MCOLN2: variants seen among roughly 807,000 people sequenced by gnomAD.
The protein encoded by MCOLN2 is mucolipin-2.
Under a neutral mutation model 67.5 loss-of-function variants are expected in MCOLN2, and 57 were observed. The ratio of observed to expected loss-of-function variants is 0.84; its 90% CI spans 0.68 to 1.05. The LOEUF (loss-of-function observed/expected upper bound fraction) is 1.05, where lower values mean the gene tolerates loss of function less well. MCOLN2 is among the 50% of genes least tolerant of loss of function. The pLI, the probability that MCOLN2 is intolerant of heterozygous loss-of-function variation, is 0.00. For missense variants in MCOLN2, 620 were observed against 678.8 expected (o/e 0.91, Z 0.96); for synonymous variants, 246 against 233.3 (o/e 1.05, Z -0.50).
intron 11 of MCOLN2, among the ~76,000 whole-genome samples, chr1:84,933,834 C>T (rs1351310937): frequency 6.6e-6 from 1 of 152,214 alleles, no homozygotes; most frequent in Non-Finnish European, 1.5e-5. Context: ...TCTGTCTCAA[C>T]ATTAACATTA....
At chr1:84,952,183 A>G in intron 6 of MCOLN2, 60 bp downstream of exon 6, 1 of 1,173,454 alleles carries the variant, frequency 8.5e-7, no homozygotes, top group Non-Finnish European at 1.2e-6. Context: ...TATACTCTGC[A>G]TCAACAAAAA....
At position 84,977,849 on chromosome 1, in the gene MCOLN2, C is replaced by T. The variant is rs141101808; in HGVS notation, c.78-12141G>A. On this transcript the variant is annotated intron_variant, in intron 1 of 13. Transcript: ENST00000370608. The stretch of plus-strand genomic sequence containing the variant: ...ATAGATCTTCCATACAGAAAATCAA[C>T]AAAGAAATACTGGACTTAATCTGCA... Among the ~76,000 whole-genome samples the T allele has an allele frequency of 2.8e-3, 431 of 152,072 alleles. 6 individuals are homozygous for T. In the East Asian group the frequency reaches 0.06, roughly 21 times the overall value.
chr1:84,955,132 T>C (rs1648715568), intron 4 of MCOLN2, among the ~76,000 whole-genome samples: 1 of 152,176 alleles, frequency 6.6e-6, no homozygotes, highest in African/African-American at 2.4e-5. Flanking sequence ...TTTTCTCACT[T>C]TGCTCTGCAC....
chr1:84,969,964 G>A (rs1005868016), intron 1 of MCOLN2, among the ~76,000 whole-genome samples: 3 of 152,154 alleles, frequency 2.0e-5, no homozygotes, highest in African/African-American at 4.8e-5. Context: ...GTGACTGGGC[G>A]CATTGAGGGA....
intron 11 of MCOLN2, among the ~76,000 whole-genome samples, chr1:84,934,586 G>A (rs1647320838): frequency 6.6e-6 from 1 of 152,172 alleles, no homozygotes; most frequent in South Asian, 2.1e-4. Context: ...AGAGTCTGCT[G>A]AACTTTGACC....
rs200287414 is a variant in MCOLN2 at position 84,929,567 on chromosome 1, C to G, written c.1655G>C (p.Cys552Ser). 2.4e-5 allele frequency: 38 copies of G among 1,613,116 alleles called. No individual in the cohort carries two copies. In the East Asian group the frequency reaches 8.5e-4, roughly 36 times the overall value. ...ESSAFLSCICCRRRKRSDDHL... is the reference protein window; with the variant it reads ...ESSAFLSCICSRRRKRSDDHL... ...TAAACATGATACTGACCTCCTCCGA[C>G]AGCAGATGCAGGACAGGAAGGCTGA... The change falls in exon 13 of 14, where the codon TGT (cysteine) becomes TCT (serine). Residue 552 changes from cysteine to serine, a missense_variant. By Grantham distance (112) the Cys-to-Ser change is moderately radical. Coordinates refer to ENST00000370608, the MANE Select transcript of MCOLN2 (RefSeq NM_153259.4).
chr1:84,928,957 G>A (rs923618301), intron 13 of MCOLN2, among the ~76,000 whole-genome samples: 1 of 151,898 alleles, frequency 6.6e-6, no homozygotes, highest in Non-Finnish European at 1.5e-5. Context: ...GCAAACATAG[G>A]CACATTAAAA....
At chr1:84,947,638 T>C (rs1471808022) in intron 6 of MCOLN2, among the ~76,000 whole-genome samples, 1 of 152,172 alleles carries the variant, frequency 6.6e-6, no homozygotes, top group African/African-American at 2.4e-5. Flanking sequence ...TGAATCCAGT[T>C]TGGAGAGGTG....
intron 1 of MCOLN2, among the ~76,000 whole-genome samples, chr1:84,966,073 T>G (rs1000186344): frequency 2.0e-5 from 3 of 151,880 alleles, no homozygotes; most frequent in Non-Finnish European, 4.4e-5. Context: ...ACCAACATGG[T>G]GAAACCCCAT....
At chr1:84,934,710 G>A (rs1456259363) in intron 11 of MCOLN2, among the ~76,000 whole-genome samples, 4 of 152,208 alleles carry the variant, frequency 2.6e-5, no homozygotes, top group African/African-American at 7.2e-5. Context: ...CTCTGGAAAT[G>A]TAAAAGCCGC....
intron 1 of MCOLN2, among the ~76,000 whole-genome samples, chr1:84,976,952 A>C (rs973075964): frequency 6.6e-6 from 1 of 152,196 alleles, no homozygotes; most frequent in Non-Finnish European, 1.5e-5. Flanking sequence ...AAAATATTAT[A>C]ACCCTGTAAC....
At chr1:84,940,127 T>C (rs1295531988) in intron 8 of MCOLN2, among the ~76,000 whole-genome samples, 1 of 151,288 alleles carries the variant, frequency 6.6e-6, no homozygotes, top group Non-Finnish European at 1.5e-5. Context: ...GCTCCAAATA[T>C]GAGCCCCCTC....
At chr1:84,934,731 T>C (rs1647328919) in intron 11 of MCOLN2, among the ~76,000 whole-genome samples, 1 of 152,208 alleles carries the variant, frequency 6.6e-6, no homozygotes, top group African/African-American at 2.4e-5. Flanking sequence ...ATTAGAGTAA[T>C]GTTTAATAAT....
At chr1:84,944,263 G>A (rs1045079630) in intron 7 of MCOLN2, among the ~76,000 whole-genome samples, 4 of 152,082 alleles carry the variant, frequency 2.6e-5, no homozygotes, top group South Asian at 2.1e-4. Context: ...GGCCAGGCGC[G>A]GTGGCTCACG....
At chr1:84,964,530 G>GT (rs983831699) in intron 2 of MCOLN2, among the ~76,000 whole-genome samples, 6 of 150,242 alleles carry the variant, frequency 4.0e-5, no homozygotes, top group African/African-American at 1.5e-4. Flanking sequence ...CAGGAGTGGG[G>GT]GGGGGTGGGT....
intron 1 of MCOLN2, 24 bp downstream of exon 1, chr1:84,996,772 A>C (rs1185287143): frequency 1.2e-5 from 20 of 1,605,596 alleles, no homozygotes; most frequent in Non-Finnish European, 1.7e-5. Context: ...CAGCATCCTG[A>C]AAGATGAAGC....
chr1:84,931,329 A>AT (rs1332849027), intron 12 of MCOLN2, 33 bp downstream of exon 12: 4 of 1,252,774 alleles, frequency 3.2e-6, no homozygotes, highest in Non-Finnish European at 4.6e-6. Context: ...ATTTGCAGTG[A>AT]TTTTTTGGCA....
In MCOLN2 at chr1:84,929,693, AC is replaced by A; in HGVS notation, c.1543-15del. ...CTGTTGGAATTTCTTTAGAAAGTAC[AC>A]AATGTTGTTACCTTATTTATAAGGC... is the stretch of plus-strand genomic sequence containing the variant. On this transcript the variant is annotated splice_polypyrimidine_tract_variant and intron_variant, in intron 12 of 13. Transcript: ENST00000370608. The A allele has an allele frequency of 6.2e-7, 1 of 1,610,188 alleles. No homozygotes were observed. The highest frequency in any genetic ancestry group is 1.3e-5 in the African/African-American group (1 of 75,010).
At chr1:84,996,431 T>C (rs1306832955) in intron 1 of MCOLN2, among the ~76,000 whole-genome samples, 1 of 131,528 alleles carries the variant, frequency 7.6e-6, no homozygotes, top group Non-Finnish European at 1.6e-5. Flanking sequence ...TATATATATA[T>C]GTTTGGAGAG....
Sources: gnomAD v4.1 joint callset for allele counts (sites outside exome capture counted in the v4.1 genomes callset) on GRCh38, gnomAD v4.1.1 for gene constraint, MANE v1.5 for transcripts, NCBI Gene and HGNC (gene_info 2026-07-23, HGNC 2026-07-21) for gene names.